The following HEXB variants were observed in gnomAD, a reference collection of about 807,000 sequenced individuals.
The protein encoded by HEXB is beta-hexosaminidase subunit beta.
Under a neutral mutation model 71.2 loss-of-function variants are expected in HEXB, and 51 were observed. The ratio of observed to expected loss-of-function variants is 0.72; its 90% confidence interval spans 0.57 to 0.90. The LOEUF (loss-of-function observed/expected upper bound fraction) is 0.90, where lower values mean the gene tolerates loss of function less well. HEXB is among the 40% of genes least tolerant of loss of function. The pLI, the probability that HEXB is intolerant of heterozygous loss-of-function variation, is 0.00. For missense variants in HEXB, 617 were observed against 677.0 expected, an observed-to-expected ratio of 0.91 and a Z score of 0.98; for synonymous variants, 266 against 249.3, an observed-to-expected ratio of 1.07 and a Z score of -0.63.
intron 7 of HEXB, among the ~76,000 whole-genome samples, chr5:74,714,124 T>G (rs1325042789): frequency 2.0e-5 from 3 of 152,180 alleles, no homozygotes; most frequent in Non-Finnish European, 4.4e-5. Flanking sequence ...CGTGAGCCAC[T>G]GCGCCTGGCC....
chr5:74,691,241 G>A lies in HEXB; in HGVS notation c.445+1768G>A, dbSNP rs902605526. On this transcript the variant is annotated intron_variant, in intron 2 of 13. Coordinates refer to ENST00000261416, the MANE Select transcript of HEXB (RefSeq NM_000521.4). ...GAAATAACAAGATATCAAATGTCCA[G>A]AGTGGGAGGACATGTTGGAGGAGGT... Among the ~76,000 whole-genome samples the A allele has an allele frequency of 2.6e-5, 4 of 152,298 alleles. No individual in the cohort carries two copies. The South Asian group carries it at 8.3e-4, about 32-fold the overall frequency.
intron 1 of HEXB, among the ~76,000 whole-genome samples, chr5:74,662,725 T>C (rs910465787): frequency 1.3e-5 from 2 of 152,202 alleles, no homozygotes; most frequent in African/African-American, 2.4e-5. Context: ...AAAATCATAT[T>C]TTATTATTAT....
intron 5 of HEXB, 83 bp from the exon 6 acceptor site, chr5:74,705,136 G>T: frequency 2.5e-6 from 2 of 790,370 alleles, no homozygotes; most frequent in Non-Finnish European, 4.4e-6. Context: ...CAGACATATT[G>T]GAAGCAATTC....
Position 74,653,157 on chromosome 5 carries a change from C to G in HEXB, c.-377+12599C>G, listed in dbSNP as rs192484543. ...CACACATGCAGAGTCATTGTGAATA[C>G]GCTTCTACAAATGCAGACTGAAACT... On this transcript the variant is annotated intron_variant, in intron 1 of 13. Coordinates refer to the HEXB transcript ENST00000511181. 3.8e-4 allele frequency among the ~76,000 whole-genome samples: 58 copies of G among 152,288 alleles called. 1 individual carries two copies. The East Asian group carries it at 9.3e-3, about 24-fold the overall frequency.
intron 1 of HEXB, among the ~76,000 whole-genome samples, chr5:74,648,097 C>G (rs1021096228): frequency 6.6e-6 from 1 of 152,222 alleles, no homozygotes; most frequent in East Asian, 1.9e-4. Context: ...TATTTATTCT[C>G]TCAGACTCAG....
chr5:74,671,260 T>C (rs927608315), intron 1 of HEXB, among the ~76,000 whole-genome samples: 9 of 152,262 alleles, frequency 5.9e-5, no homozygotes, highest in African/African-American at 2.2e-4. Flanking sequence ...ACTGAACCCT[T>C]GAGTACTGGA....
upstream of HEXB, among the ~76,000 whole-genome samples, chr5:74,681,459 A>G (rs1200321549): frequency 2.0e-5 from 3 of 152,306 alleles, no homozygotes; most frequent in Non-Finnish European, 4.4e-5. Context: ...GTGTATTGGT[A>G]TAGGCCTGTA....
chr5:74,715,036 T>C (rs1306247516), intron 7 of HEXB, among the ~76,000 whole-genome samples: 1 of 152,148 alleles, frequency 6.6e-6, no homozygotes, highest in Non-Finnish European at 1.5e-5. Context: ...TCCATAGAAT[T>C]TGGCAACTGA....
At chr5:74,646,203 G>T (rs538585197) in intron 1 of HEXB, among the ~76,000 whole-genome samples, 1 of 152,088 alleles carries the variant, frequency 6.6e-6, no homozygotes, top group African/African-American at 2.4e-5. Flanking sequence ...TATAATGCTG[G>T]CTTTTATAAT....
At chr5:74,718,425 A>G in intron 10 of HEXB, 62 bp downstream of exon 10, 4 of 1,264,522 alleles carry the variant, frequency 3.2e-6, no homozygotes, top group South Asian at 1.2e-5. Context: ...TCTTGGGGCA[A>G]CTGGGAATTT....
intron 1 of HEXB, among the ~76,000 whole-genome samples, chr5:74,658,372 T>C (rs1748257866): frequency 6.6e-6 from 1 of 152,228 alleles, no homozygotes; most frequent in Non-Finnish European, 1.5e-5. Flanking sequence ...AATTTCGCCT[T>C]GCCCAAAGAC....
intron 6 of HEXB, among the ~76,000 whole-genome samples, chr5:74,711,653 C>T (rs1378751556): frequency 6.6e-6 from 1 of 152,002 alleles, no homozygotes; most frequent in Non-Finnish European, 1.5e-5. Context: ...CAAAAGAAGA[C>T]ATTTATGCAG....
chr5:74,657,228 A>G (rs1247270451), intron 1 of HEXB, among the ~76,000 whole-genome samples: 1 of 152,138 alleles, frequency 6.6e-6, no homozygotes, highest in Non-Finnish European at 1.5e-5. Context: ...ATGAGCCACA[A>G]GGCCCTACTT....
At chr5:74,643,958 G>A (rs1747954530) in intron 1 of HEXB, among the ~76,000 whole-genome samples, 4 of 152,176 alleles carry the variant, frequency 2.6e-5, no homozygotes, top group South Asian at 2.1e-4. Flanking sequence ...TTCCTTCCCC[G>A]AGTTATTTGC....
chr5:74,657,725 G>A lies in HEXB; in HGVS notation c.-377+17167G>A, dbSNP rs1180076638. Among the ~76,000 whole-genome samples the A allele has an allele frequency of 8.5e-5, 13 of 152,140 alleles. No homozygotes were observed. In the South Asian group the frequency reaches 1.2e-3, roughly 15 times the overall value. On this transcript the variant is annotated intron_variant, in intron 1 of 13. Transcript: ENST00000511181. ...ATGTGTTTTCCTTTGAACACTTGAC[G>A]CTTGTTATTTGTGTAGTCACATGGT...
intron 7 of HEXB, among the ~76,000 whole-genome samples, chr5:74,714,462 A>AGAGGAAATGGCAT (rs1355504514): frequency 6.6e-6 from 1 of 152,246 alleles, no homozygotes; most frequent in African/African-American, 2.4e-5. Flanking sequence ...TGTTTCTGGT[A>AGAGGAAATGGCAT]GAGGAAATGG....
chr5:74,720,939 G>C, intron 13 of HEXB, 179 bp from the exon 14 acceptor site: 1 of 760,746 alleles, frequency 1.3e-6, no homozygotes, highest in South Asian at 1.7e-5. Flanking sequence ...AAAAAATGTT[G>C]GTGTAACTTA....
At chr5:74,673,308 A>T (rs1201607101) in intron 1 of HEXB, among the ~76,000 whole-genome samples, 2 of 152,204 alleles carry the variant, frequency 1.3e-5, no homozygotes, top group African/African-American at 4.8e-5. Flanking sequence ...CAGTTTTCAT[A>T]ATTGCAGTGA....
At chr5:74,691,635 A>G (rs1241072537) in intron 2 of HEXB, among the ~76,000 whole-genome samples, 4 of 152,176 alleles carry the variant, frequency 2.6e-5, no homozygotes. Context: ...ATAAAGCAAT[A>G]CTATATTTTC....
Sources: allele counts gnomAD v4.1 joint callset (sites outside exome capture counted in the v4.1 genomes callset), GRCh38; gene constraint gnomAD v4.1.1; transcripts MANE v1.5; gene names NCBI Gene and HGNC (gene_info 2026-07-23, HGNC 2026-07-21).